The following UGGT2 variants were observed in gnomAD, a reference collection of about 807,000 sequenced individuals.
The protein encoded by UGGT2 is UDP-glucose glycoprotein glucosyltransferase 2, also known as UDP-glucose:glycoprotein glucosyltransferase 2.
In UGGT2, 180 loss-of-function variants were observed where a neutral mutation model predicts 192.1. The observed-to-expected ratio is 0.94, with a 90% CI of 0.83 to 1.06. The LOEUF (loss-of-function observed/expected upper bound fraction) is 1.06, where lower values mean the gene tolerates loss of function less well. UGGT2 is among the 50% of genes least tolerant of loss of function. UGGT2 has a pLI of 0.00. For synonymous variants in UGGT2, 580 were observed against 591.0 expected (o/e 0.98, Z 0.27); for missense variants, 1,849 against 1,795.7 (o/e 1.03, Z -0.54).
chr13:95,803,789 T>C (rs543138028), intron 38 of UGGT2, among the ~76,000 whole-genome samples: 2 of 152,260 alleles, frequency 1.3e-5, no homozygotes, highest in South Asian at 2.1e-4. Flanking sequence ...AGTTATTATA[T>C]TGATCAATCT....
intron 17 of UGGT2, among the ~76,000 whole-genome samples, chr13:95,933,679 TTTG>T (rs869039218): frequency 6.2e-4 from 40 of 64,608 alleles, no homozygotes; most frequent in Admixed American, 1.6e-3. Context: ...TCTAAATTTT[TTTG>T]TTTTTGTTTT....
intron 34 of UGGT2, 105 bp downstream of exon 34, chr13:95,856,053 C>T (rs558007317): frequency 7.4e-5 from 70 of 947,842 alleles, no homozygotes; most frequent in African/African-American, 7.1e-4. Context: ...TCTTAAGCAC[C>T]GTAATGAAGA....
intron 8 of UGGT2, among the ~76,000 whole-genome samples, chr13:95,986,844 A>G (rs183991365): frequency 1.4e-4 from 21 of 152,292 alleles, no homozygotes; most frequent in African/African-American, 4.8e-4. Flanking sequence ...CTCAGTAAAT[A>G]GAAACATTCA....
intron 1 of UGGT2, among the ~76,000 whole-genome samples, chr13:96,052,946 G>C (rs1016964110): frequency 4.6e-5 from 7 of 152,236 alleles, no homozygotes; most frequent in African/African-American, 1.4e-4. Flanking sequence ...GTAAGACTGA[G>C]GGGGAAAGGA....
At chr13:95,879,904 T>TA (rs1381415453) in intron 27 of UGGT2, among the ~76,000 whole-genome samples, 1 of 152,182 alleles carries the variant, frequency 6.6e-6, no homozygotes, top group Non-Finnish European at 1.5e-5. Flanking sequence ...AATTTTTTTT[T>TA]ATTATACTTT....
intron 29 of UGGT2, among the ~76,000 whole-genome samples, chr13:95,871,927 G>A (rs373562886): frequency 4.6e-5 from 7 of 151,960 alleles, no homozygotes; most frequent in Non-Finnish European, 5.9e-5. Flanking sequence ...GAGTACCTGC[G>A]GAGAAAGAAT....
chr13:95,925,675 C>T lies in UGGT2; in HGVS notation c.2295+5G>A, dbSNP rs374651186. On this transcript the variant is annotated splice_donor_5th_base_variant and intron_variant, in intron 20 of 38. Transcript: ENST00000376747. Reference sequence around the variant, plus strand: ...AATTGTTAGTAAGAATATCTAGGTACTCACCATGTGCTTTAATGCATTAAA... The same window carrying T: ...AATTGTTAGTAAGAATATCTAGGTATTCACCATGTGCTTTAATGCATTAAA... The T allele has an allele frequency of 8.6e-6, 13 of 1,516,586 alleles. No individual in the cohort carries two copies. In the African/African-American group the frequency reaches 1.7e-4, roughly 19 times the overall value. 93.9% of individuals were successfully genotyped at this position (1,516,586 alleles called of 1,614,324 possible).
chr13:95,844,195 C>A (rs1888154302), intron 36 of UGGT2, among the ~76,000 whole-genome samples: 3 of 152,194 alleles, frequency 2.0e-5, no homozygotes, highest in Non-Finnish European at 4.4e-5. Context: ...CTCCTGACCT[C>A]AAGTGATCCA....
chr13:95,922,560 G>T (rs937885743), intron 20 of UGGT2, among the ~76,000 whole-genome samples: 1 of 152,114 alleles, frequency 6.6e-6, no homozygotes, highest in Admixed American at 6.5e-5. Context: ...AGTGGCTCAC[G>T]CCTGTAATCT....
chr13:95,912,531 G>A (rs148736779), intron 20 of UGGT2, among the ~76,000 whole-genome samples: 2,999 of 152,158 alleles, frequency 0.02, 97 homozygotes, highest in African/African-American at 0.069. Flanking sequence ...AACTTACAAG[G>A]GATGTGAAGG....
At chr13:95,920,181 T>C (rs1173975533) in intron 20 of UGGT2, among the ~76,000 whole-genome samples, 2 of 151,982 alleles carry the variant, frequency 1.3e-5, no homozygotes, top group African/African-American at 4.8e-5. Flanking sequence ...CCCTTCCTTA[T>C]ACAAATATTA....
At chr13:95,931,739 C>T (rs919962661) in intron 17 of UGGT2, among the ~76,000 whole-genome samples, 1 of 152,150 alleles carries the variant, frequency 6.6e-6, no homozygotes, top group Non-Finnish European at 1.5e-5. Flanking sequence ...GAGTGCAGGG[C>T]CTGCTGAGCC....
At chr13:95,961,970 C>A (rs2050407205) in intron 12 of UGGT2, among the ~76,000 whole-genome samples, 1 of 152,036 alleles carries the variant, frequency 6.6e-6, no homozygotes, top group African/African-American at 2.4e-5. Context: ...GGAAATTAAA[C>A]AACATGCTCC....
Position 95,882,360 on chromosome 13 carries a change from A to C in UGGT2, c.3228+2131T>G, listed in dbSNP as rs539944707. 3.9e-5 allele frequency among the ~76,000 whole-genome samples: 6 copies of C among 152,330 alleles called. No homozygotes were observed. The East Asian group carries it at 9.6e-4, about 24-fold the overall frequency. On this transcript the variant is annotated intron_variant, in intron 27 of 38. Transcript: ENST00000376747. ...TCCAGGTGTTTGTACAGTGTTTGGG[A>C]ATTAGGTGTAACCAGGAATATTTGT... is the stretch of plus-strand genomic sequence containing the variant.
rs186801676 is a variant in UGGT2 at position 95,820,525 on chromosome 13, A to G, written c.4528+12402T>C. On this transcript the variant is annotated intron_variant, in intron 38 of 38. Transcript: ENST00000376747. ...GTTTTCATCTATGAATATTGAGGCAAAAATATTTAGACATTAGAGACAAGA... is the reference window on the plus strand; with the variant it reads ...GTTTTCATCTATGAATATTGAGGCAGAAATATTTAGACATTAGAGACAAGA... 2.1e-3 allele frequency among the ~76,000 whole-genome samples: 325 copies of G among 152,356 alleles called. 3 individuals are homozygous for G. The highest frequency in any genetic ancestry group is 3.3e-3 in the Non-Finnish European group (223 of 68,034).
chr13:95,980,229 T>C (rs2051074538), intron 10 of UGGT2, among the ~76,000 whole-genome samples: 1 of 152,044 alleles, frequency 6.6e-6, no homozygotes, highest in Admixed American at 6.6e-5. Flanking sequence ...TGCAAAAATA[T>C]GGAATCAGCC....
At chr13:95,951,910 T>A (rs137901113) in intron 12 of UGGT2, among the ~76,000 whole-genome samples, 2 of 151,908 alleles carry the variant, frequency 1.3e-5, no homozygotes, top group Non-Finnish European at 2.9e-5. Flanking sequence ...ATACAAAAAT[T>A]AGCCAGGCAT....
chr13:95,949,092 AC>A (rs2140610530), intron 13 of UGGT2, among the ~76,000 whole-genome samples: 1 of 151,984 alleles, frequency 6.6e-6, no homozygotes, highest in East Asian at 1.9e-4. Context: ...AGTCAATTAT[AC>A]CTCTTTCCTT....
rs114257279 is a variant in UGGT2 at position 95,808,657 on chromosome 13, G to A, written c.4529-6845C>T. ...CTAGTGACTTTCCAGCTTAATATCCGGAGGCAAAATTTCCTTAAGAGGCTA... is the reference window on the plus strand; with the variant it reads ...CTAGTGACTTTCCAGCTTAATATCCAGAGGCAAAATTTCCTTAAGAGGCTA... On this transcript the variant is annotated intron_variant, in intron 38 of 38. Coordinates refer to ENST00000376747, the MANE Select transcript of UGGT2 (RefSeq NM_020121.4). Among the ~76,000 whole-genome samples the A allele has an allele frequency of 4.3e-4, 65 of 152,176 alleles. 1 individual carries two copies. The highest frequency in any genetic ancestry group is 1.4e-3 in the African/African-American group (59 of 41,520).
Sources: allele counts gnomAD v4.1 joint callset (sites outside exome capture counted in the v4.1 genomes callset), GRCh38; gene constraint gnomAD v4.1.1; transcripts MANE v1.5; gene names NCBI Gene and HGNC (gene_info 2026-07-23, HGNC 2026-07-21).